SLC24A4: variants seen among roughly 807,000 people sequenced by gnomAD.
SLC24A4 encodes solute carrier family 24 member 4.
In SLC24A4, 53 loss-of-function variants were observed where a neutral mutation model predicts 79.0. The observed-to-expected ratio is 0.67, with a 90% CI of 0.54 to 0.84. SLC24A4 has a LOEUF of 0.84. Among genes scored for constraint, SLC24A4 ranks in the 40% least tolerant of loss-of-function variants. The probability of loss-of-function intolerance (pLI) is 0.00; values close to 1 mark genes in which losing one functional copy is unlikely to be tolerated. For missense variants in SLC24A4, 731 were observed against 822.0 expected, an observed-to-expected ratio of 0.89 and a Z score of 1.35; for synonymous variants, 323 against 323.8, an observed-to-expected ratio of 1.00 and a Z score of 0.03.
intron 13 of SLC24A4, chr14:92,484,496 G>A (rs780497233): frequency 8.9e-5 from 88 of 985,078 alleles, no homozygotes; most frequent in Non-Finnish European, 1.1e-4. Flanking sequence ...TCCTGGTACC[G>A]GCTTAGAGCT....
rs1322245193 is a variant in SLC24A4 at position 92,499,071 on chromosome 14, C to G, written c.*5443C>G. On this transcript the variant is annotated 3_prime_UTR_variant, in exon 17 of 17. Transcript: ENST00000532405. ...GTTATTTTATGGGGGTTTTAAACCT[C>G]CTAACTTTTCAATGACAAATGGCTC... 1 of 152,172 alleles carries G rather than the reference C, an allele frequency of 6.6e-6. No individual in the cohort carries two copies. The highest frequency in any genetic ancestry group is 2.4e-5 in the African/African-American group (1 of 41,436). 9.4% of individuals were successfully genotyped at this position (152,172 alleles called of 1,614,324 possible). A position where few individuals can be genotyped will look rare whatever the true frequency, so the allele number is the denominator to read the frequency against.
intron 2 of SLC24A4, among the ~76,000 whole-genome samples, chr14:92,349,316 C>T (rs541585978): frequency 3.9e-5 from 6 of 152,282 alleles, no homozygotes; most frequent in African/African-American, 1.4e-4. Flanking sequence ...CACACCACCA[C>T]ACCCGGGTAA....
intron 14 of SLC24A4, among the ~76,000 whole-genome samples, chr14:92,487,823 C>A (rs1895453202): frequency 6.6e-6 from 1 of 152,134 alleles, no homozygotes; most frequent in Non-Finnish European, 1.5e-5. Context: ...CCCTTGAAGG[C>A]TCTAGGGGAG....
At chr14:92,389,064 G>A (rs1889325295) in intron 2 of SLC24A4, among the ~76,000 whole-genome samples, 1 of 152,220 alleles carries the variant, frequency 6.6e-6, no homozygotes, top group African/African-American at 2.4e-5. Context: ...GGGTGGGGAG[G>A]CAGCAGGGCT....
At chr14:92,335,345 TTTG>T (rs1442224670) in intron 2 of SLC24A4, among the ~76,000 whole-genome samples, 1 of 151,864 alleles carries the variant, frequency 6.6e-6, no homozygotes, top group Non-Finnish European at 1.5e-5. Context: ...TTTTTTTGTT[TTTG>T]TTTTTGTTTT....
At chr14:92,442,241 G>A (rs1376849720) in intron 5 of SLC24A4, 68 bp downstream of exon 5, 2 of 1,244,142 alleles carry the variant, frequency 1.6e-6, no homozygotes. Context: ...AGCAGTGGGG[G>A]CATTTGTCAG....
chr14:92,383,115 G>T (rs1888948001), intron 2 of SLC24A4, among the ~76,000 whole-genome samples: 1 of 152,182 alleles, frequency 6.6e-6, no homozygotes, highest in African/African-American at 2.4e-5. Context: ...CATTTCTATG[G>T]CTTCACATTC....
At chr14:92,343,580 TTTTCTTTCTTTCTTTCTTTCTTTC>T (rs376436087) in intron 2 of SLC24A4, among the ~76,000 whole-genome samples, 5 of 85,168 alleles carry the variant, frequency 5.9e-5, no homozygotes, top group African/African-American at 2.2e-4. Context: ...TTAATTACTG[TTTTCTTTCTTTCTTTCTTTCTTTC>T]TTTCTTTCTT....
In SLC24A4 at chr14:92,449,212, G is replaced by A. The variant is rs1184298952; in HGVS notation, c.876G>A (p.Gly292=). The A allele has an allele frequency of 6.2e-7, 1 of 1,614,036 alleles. No homozygotes were observed. Among genetic ancestry groups the A allele is most frequent in the Middle Eastern group, 1.6e-4 (1 of 6,062 alleles). ...SYDDPSVPLL[G]QVKEKPQYGK... ...ATGACCCTTCCGTGCCATTGCTGGG[G>A]CAAGGTAAGGCTGAGCAGACAGGAG... Residue 292 remains glycine, a synonymous_variant, in exon 10 of 17, where the codon GGG becomes GGA. Transcript: ENST00000532405.
rs1303183160 is a variant in SLC24A4, at chr14:92,456,605, C to T, written c.1252C>T (p.Pro418Ser). The T allele has an allele frequency of 6.2e-7, 1 of 1,612,998 alleles. No individual in the cohort carries two copies. Among genetic ancestry groups the T allele is most frequent in the Non-Finnish European group, 8.5e-7 (1 of 1,179,734 alleles). The change falls in exon 12 of 17, where the codon CCG (proline) becomes TCG (serine). Residue 418 changes from proline (P) to serine (S), a missense_variant. Physicochemically the swap from Pro to Ser is moderately conservative, Grantham distance 74 (BLOSUM62 -1). Coordinates refer to ENST00000532405, the MANE Select transcript of SLC24A4 (RefSeq NM_153646.4). ...EADFLSPFSV[P>S]EARGDKVKWV... ...TGACTTCCTGTCCCCCTTCTCCGTGCCGGGTGAGTTCTGGGGGTACTGGAC... is the reference window on the plus strand; with the variant it reads ...TGACTTCCTGTCCCCCTTCTCCGTGTCGGGTGAGTTCTGGGGGTACTGGAC...
intron 12 of SLC24A4, among the ~76,000 whole-genome samples, chr14:92,467,207 C>T (rs1365309579): frequency 6.6e-6 from 1 of 152,198 alleles, no homozygotes; most frequent in African/African-American, 2.4e-5. Context: ...ATGGAGTTCA[C>T]CAAGTGGGAT....
chr14:92,343,969 C>G (rs975874611), intron 2 of SLC24A4, among the ~76,000 whole-genome samples: 5 of 152,118 alleles, frequency 3.3e-5, no homozygotes, highest in Non-Finnish European at 7.3e-5. Flanking sequence ...TCCCAAAGTG[C>G]TGGTATTACA....
intron 4 of SLC24A4, among the ~76,000 whole-genome samples, chr14:92,440,366 G>A (rs969232633): frequency 6.6e-6 from 1 of 152,206 alleles, no homozygotes; most frequent in Non-Finnish European, 1.5e-5. Context: ...TGCCCACTGG[G>A]ATGATCGTGT....
intron 2 of SLC24A4, among the ~76,000 whole-genome samples, chr14:92,403,940 C>T (rs372998435): frequency 6.7e-6 from 1 of 149,100 alleles, no homozygotes; most frequent in African/African-American, 2.5e-5. Flanking sequence ...AGAGGTAAAG[C>T]GGATGGGGCT....
chr14:92,439,001 C>T (rs1405617590), intron 3 of SLC24A4, among the ~76,000 whole-genome samples: 4 of 152,150 alleles, frequency 2.6e-5, no homozygotes, highest in South Asian at 2.1e-4. Flanking sequence ...CTATTATGCC[C>T]GAGGTTCCGG....
chr14:92,410,664 A>G (rs1263895798), intron 2 of SLC24A4, among the ~76,000 whole-genome samples: 1 of 152,144 alleles, frequency 6.6e-6, no homozygotes, highest in Admixed American at 6.5e-5. Flanking sequence ...GAACAATTCT[A>G]AGAGGTAGAT....
chr14:92,470,286 A>T (rs1894364475), intron 12 of SLC24A4, among the ~76,000 whole-genome samples: 1 of 152,184 alleles, frequency 6.6e-6, no homozygotes, highest in South Asian at 2.1e-4. Flanking sequence ...CTGCTTCAGA[A>T]TCTGTGCTCT....
intron 12 of SLC24A4, among the ~76,000 whole-genome samples, chr14:92,473,603 T>C (rs1003438720): frequency 1.2e-4 from 19 of 152,282 alleles, no homozygotes; most frequent in Admixed American, 1.1e-3. Flanking sequence ...ATGAGAAAGA[T>C]ACAGAGGTGT....
rs1247043563 is a variant in SLC24A4 at position 92,416,118 on chromosome 14, G to A, written c.242-17794G>A. 2.3e-5 allele frequency among the ~76,000 whole-genome samples: 3 copies of A among 129,904 alleles called. No individual in the cohort carries two copies. In the East Asian group the frequency reaches 8.2e-4, roughly 35 times the overall value. The allele number at this position is 129,904 out of a possible 152,430, so 85.2% of individuals were successfully genotyped here. On this transcript the variant is annotated intron_variant, in intron 2 of 16. Coordinates refer to ENST00000532405, the MANE Select transcript of SLC24A4 (RefSeq NM_153646.4). ...GAAAGGAAAGTGTGTGTATTTGTGT[G>A]TGTGGTGTGTGTGTGTGTGTGTGTG...
Sources: allele counts gnomAD v4.1 joint callset (sites outside exome capture counted in the v4.1 genomes callset), GRCh38; gene constraint gnomAD v4.1.1; transcripts MANE v1.5; gene names NCBI Gene and HGNC (gene_info 2026-07-23, HGNC 2026-07-21).